NFIX: variants seen among roughly 807,000 people sequenced by gnomAD.
The protein encoded by NFIX is nuclear factor I X.
In NFIX, 2 loss-of-function variants were observed where a neutral mutation model predicts 53.3. The ratio of observed to expected loss-of-function variants is 0.04; its 90% CI spans 0.02 to 0.12. The LOEUF (loss-of-function observed/expected upper bound fraction) is 0.12, where lower values mean the gene tolerates loss of function less well. NFIX is among the 10% of genes least tolerant of loss of function. The pLI, the probability that NFIX is intolerant of heterozygous loss-of-function variation, is 1.00. For synonymous variants in NFIX, 244 were observed against 289.0 expected (o/e 0.84, Z 1.58); for missense variants, 310 against 674.5 (o/e 0.46, Z 5.99).
At chr19:13,010,368 T>G (rs1423988484) in intron 1 of NFIX, among the ~76,000 whole-genome samples, 2 of 152,214 alleles carry the variant, frequency 1.3e-5, no homozygotes, top group Non-Finnish European at 2.9e-5. Flanking sequence ...CACGTCCCTG[T>G]CTGACACCCC....
At chr19:13,064,801 A>C (rs10410387) in intron 2 of NFIX, among the ~76,000 whole-genome samples, 7,256 of 152,278 alleles carry the variant, frequency 0.048, 562 homozygotes, top group African/African-American at 0.16. Flanking sequence ...GTTGAGAAGG[A>C]GGAATAAGCA....
chr19:13,045,650 GA>G lies in NFIX; in HGVS notation c.559+20099del. On this transcript the variant is annotated intron_variant, in intron 2 of 10. Transcript: ENST00000592199. The surrounding 1 kb of genome is among the most constrained non-coding windows in gnomAD (Gnocchi z 4.4). ...AGTCTGTTGCCAGGGAGGTAGGAGA[GA>G]GGGGCAGCAGGCACACTGGGTTGAC... Among the ~76,000 whole-genome samples the G allele has an allele frequency of 6.6e-6, 1 of 152,324 alleles. No homozygotes were observed. The highest frequency in any genetic ancestry group is 1.9e-4 in the East Asian group (1 of 5,180).
At chr19:13,017,547 G>C (rs2012734651) in intron 1 of NFIX, among the ~76,000 whole-genome samples, 1 of 151,972 alleles carries the variant, frequency 6.6e-6, no homozygotes, top group Non-Finnish European at 1.5e-5. Flanking sequence ...AAACAGAACT[G>C]GTAAAAAATG....
At position 13,014,900 on chromosome 19, in the gene NFIX, C is replaced by A. The variant is rs535563929; in HGVS notation, c.28-10121C>A. 6.6e-6 allele frequency among the ~76,000 whole-genome samples: 1 copy of A among 152,144 alleles called. No individual in the cohort carries two copies. Among genetic ancestry groups the A allele is most frequent in the African/African-American group, 2.4e-5 (1 of 41,432 alleles). ...GGGCTGGTGGTAGGCGAGGTGGCTG[C>A]GGTGGCCCTTCCGCCAGGTGTGGGG... is the stretch of plus-strand genomic sequence containing the variant. On this transcript the variant is annotated intron_variant, in intron 1 of 10. Transcript: ENST00000592199. This position sits in a 1 kb window ranked among gnomAD's most constrained non-coding sequence, Gnocchi z 4.4.
In NFIX at chr19:13,011,625, G is replaced by C. The variant is rs1296863799; in HGVS notation, c.28-13396G>C. Among the ~76,000 whole-genome samples the C allele has an allele frequency of 6.6e-6, 1 of 152,150 alleles. No individual in the cohort carries two copies. The highest frequency in any genetic ancestry group is 1.5e-5 in the Non-Finnish European group (1 of 68,006). On this transcript the variant is annotated intron_variant, in intron 1 of 10. Transcript: ENST00000592199. The surrounding 1 kb of genome is among the most constrained non-coding windows in gnomAD (Gnocchi z 6.5). ...CCAGCCCGGCTGGAGAAAGTTAGAT[G>C]GTACTCCAGCGTCTCCTCCGGGTCC...
chr19:13,036,909 A>C lies in NFIX; in HGVS notation c.559+11357A>C, dbSNP rs1350072934. ...CTGCGGCCCCACCCGGACACATGAC[A>C]TCATTGTTTCCTTAGTAACAGGAAT... On this transcript the variant is annotated intron_variant, in intron 2 of 10. Coordinates refer to ENST00000592199, the MANE Select transcript of NFIX (RefSeq NM_001365902.3). This position sits in a 1 kb window ranked among gnomAD's most constrained non-coding sequence, Gnocchi z 4.7. Among the ~76,000 whole-genome samples, 1 of 152,152 alleles carries C rather than the reference A, an allele frequency of 6.6e-6. No homozygotes were observed. Among genetic ancestry groups the C allele is most frequent in the South Asian group, 2.1e-4 (1 of 4,830 alleles).
In NFIX at chr19:13,078,881, T is replaced by C; in HGVS notation, c.1078+146T>C. On this transcript the variant is annotated intron_variant, in intron 7 of 10. Transcript: ENST00000592199. This position sits in a 1 kb window ranked among gnomAD's most constrained non-coding sequence, Gnocchi z 4.7. ...GCCAAGGTGCAGCAGCGGGTGGGCA[T>C]GGGAGCCGGCCCCTGCTTCACGTAG... is the stretch of plus-strand genomic sequence containing the variant. 1 of 998,086 alleles carries C rather than the reference T, an allele frequency of 1.0e-6. No homozygotes were observed. Among genetic ancestry groups the C allele is most frequent in the South Asian group, 1.8e-5 (1 of 56,056 alleles). The allele number at this position is 998,086 out of a possible 1,614,324, so 61.8% of individuals were successfully genotyped here. A position where few individuals can be genotyped will look rare whatever the true frequency, so the allele number is the denominator to read the frequency against.
At chr19:13,047,670 C>T (rs2015071814) in intron 2 of NFIX, among the ~76,000 whole-genome samples, 1 of 152,174 alleles carries the variant, frequency 6.6e-6, no homozygotes, top group Admixed American at 6.5e-5. Context: ...AGTGTGGAAG[C>T]ATAGGATAAG....
rs2018323560 is a variant in NFIX, at chr19:13,094,490, T to C, written c.1495-145T>C. 1.4e-6 allele frequency: 1 copy of C among 714,396 alleles called. No homozygotes were observed. 44.3% of individuals were successfully genotyped at this position (714,396 alleles called of 1,614,324 possible). ...GAATGGGGATGCCCTTTCTTCTCCATGGGAACAAGGTGGGTGGTGGCTGCC... is the reference window on the plus strand; with the variant it reads ...GAATGGGGATGCCCTTTCTTCTCCACGGGAACAAGGTGGGTGGTGGCTGCC... On this transcript the variant is annotated intron_variant, in intron 10 of 10. Transcript: ENST00000592199. This position sits in a 1 kb window ranked among gnomAD's most constrained non-coding sequence, Gnocchi z 4.3.
chr19:13,091,400 C>CCA (rs1568334913), intron 10 of NFIX, among the ~76,000 whole-genome samples: 1 of 57,204 alleles, frequency 1.7e-5, no homozygotes, highest in Admixed American at 2.1e-4. Flanking sequence ...TTCCTTCCCT[C>CCA]AAAAAAAAAA....
At position 13,073,166 on chromosome 19, in the gene NFIX, C is replaced by T; in HGVS notation, c.622+57C>T. On this transcript the variant is annotated intron_variant, in intron 3 of 10. Coordinates refer to ENST00000592199, the MANE Select transcript of NFIX (RefSeq NM_001365902.3). This position sits in a 1 kb window ranked among gnomAD's most constrained non-coding sequence, Gnocchi z 4.5. ...ATCCTTCATGCCCCTCCACTTCCTT[C>T]CCCCACCCTGGCTGCCCTGGCCACC... is the stretch of plus-strand genomic sequence containing the variant. The T allele has an allele frequency of 1.9e-6, 3 of 1,548,008 alleles. No individual in the cohort carries two copies. Among genetic ancestry groups the T allele is most frequent in the African/African-American group, 2.7e-5 (2 of 73,780 alleles).
In NFIX at chr19:13,088,260, T is replaced by C. The variant is rs1434891297; in HGVS notation, c.1402+124T>C. 1 of 1,192,710 alleles carries C rather than the reference T, an allele frequency of 8.4e-7. No individual in the cohort carries two copies. Among genetic ancestry groups the C allele is most frequent in the Non-Finnish European group, 1.1e-6 (1 of 869,888 alleles). 73.9% of individuals were successfully genotyped at this position (1,192,710 alleles called of 1,614,324 possible). A position where few individuals can be genotyped will look rare whatever the true frequency, so the allele number is the denominator to read the frequency against. ...CAAAGCCCCCCAACCCAGAGCACCATGGACAAGAGCAGAGCCGAGCCCCCC... is the reference window on the plus strand; with the variant it reads ...CAAAGCCCCCCAACCCAGAGCACCACGGACAAGAGCAGAGCCGAGCCCCCC... On this transcript the variant is annotated intron_variant, in intron 9 of 10. Coordinates refer to ENST00000592199, the MANE Select transcript of NFIX (RefSeq NM_001365902.3). The surrounding 1 kb of genome is among the most constrained non-coding windows in gnomAD (Gnocchi z 5.9).
rs2011477033 is a variant in NFIX, at chr19:12,996,612, T to C, written c.27+748T>C. Among the ~76,000 whole-genome samples the C allele has an allele frequency of 6.6e-6, 1 of 152,088 alleles. No individual in the cohort carries two copies. Among genetic ancestry groups the C allele is most frequent in the Admixed American group, 6.5e-5 (1 of 15,286 alleles). On this transcript the variant is annotated intron_variant, in intron 1 of 10. Coordinates refer to ENST00000592199, the MANE Select transcript of NFIX (RefSeq NM_001365902.3). This position sits in a 1 kb window ranked among gnomAD's most constrained non-coding sequence, Gnocchi z 5.2. ...CCTCTGCCCCCCCACCCCCAAACTT[T>C]CCTCGGCGCAAACTTTCTGGCCCCA...
chr19:13,030,197 G>T (rs1568274318), intron 2 of NFIX, among the ~76,000 whole-genome samples: 1 of 152,234 alleles, frequency 6.6e-6, no homozygotes, highest in Non-Finnish European at 1.5e-5. Flanking sequence ...AAAATTAGCA[G>T]GATCTACAGA....
rs1192922729 is a variant in NFIX at position 13,005,008 on chromosome 19, G to C, written c.27+9144G>C. The stretch of plus-strand genomic sequence containing the variant: ...ATTTTTGTATTTTTAGTAGAGACAG[G>C]GTTTCTCCATGTTGGCCAGACTGGT... On this transcript the variant is annotated intron_variant, in intron 1 of 10. Transcript: ENST00000592199. This position sits in a 1 kb window ranked among gnomAD's most constrained non-coding sequence, Gnocchi z 4.7. Among the ~76,000 whole-genome samples, 2 of 151,978 alleles carry C rather than the reference G, an allele frequency of 1.3e-5. No individual in the cohort carries two copies. The highest frequency in any genetic ancestry group is 4.8e-5 in the African/African-American group (2 of 41,360).
rs1314656941 is a variant in NFIX at position 13,067,423 on chromosome 19, C to T, written c.560-5624C>T. On this transcript the variant is annotated intron_variant, in intron 2 of 10. Coordinates refer to ENST00000592199, the MANE Select transcript of NFIX (RefSeq NM_001365902.3). The surrounding 1 kb of genome is among the most constrained non-coding windows in gnomAD (Gnocchi z 4.2). ...ACCATCTCACTCCACCCTTTCTGGA[C>T]GGCAAGAAGTGGTTAGTGGCACCTC... 5.3e-5 allele frequency among the ~76,000 whole-genome samples: 8 copies of T among 151,916 alleles called. No individual in the cohort carries two copies. The highest frequency in any genetic ancestry group is 8.8e-5 in the Non-Finnish European group (6 of 67,996).
intron 2 of NFIX, among the ~76,000 whole-genome samples, chr19:13,039,906 A>G (rs1175422423): frequency 6.6e-6 from 1 of 152,144 alleles, no homozygotes; most frequent in Non-Finnish European, 1.5e-5. Context: ...GTAAAGGCTC[A>G]CGATGGTATA....
chr19:13,071,056 A>G (rs1043546418), intron 2 of NFIX: 1 of 152,240 alleles, frequency 6.6e-6, no homozygotes, highest in Non-Finnish European at 1.5e-5. Flanking sequence ...CCCTGATTCC[A>G]CTGATCCAGC....
At chr19:13,076,608 A>C (rs2017119138) in intron 6 of NFIX, among the ~76,000 whole-genome samples, 1 of 152,216 alleles carries the variant, frequency 6.6e-6, no homozygotes, top group Non-Finnish European at 1.5e-5. Flanking sequence ...GGTTGTGCAC[A>C]GGGCATGGCT....
Sources: allele counts gnomAD v4.1 joint callset (sites outside exome capture counted in the v4.1 genomes callset), GRCh38; gene constraint gnomAD v4.1.1; non-coding constraint Gnocchi (gnomAD v3.1); transcripts MANE v1.5; gene names NCBI Gene and HGNC (gene_info 2026-07-23, HGNC 2026-07-21).